Variants in LRFN5 observed in about 807,000 individuals in gnomAD.
LRFN5 encodes the protein leucine rich repeat and fibronectin type III domain containing 5.
Under a neutral mutation model 45.6 loss-of-function variants are expected in LRFN5, and 24 were observed. The observed-to-expected ratio is 0.53, with a 90% CI of 0.38 to 0.74. LRFN5 has a LOEUF of 0.74. Among genes scored for constraint, LRFN5 ranks in the 30% least tolerant of loss-of-function variants. The pLI, the probability that LRFN5 is intolerant of heterozygous loss-of-function variation, is 0.00. For missense variants in LRFN5, 776 were observed against 861.5 expected, an observed-to-expected ratio of 0.90 and a Z score of 1.24; for synonymous variants, 340 against 313.8, an observed-to-expected ratio of 1.08 and a Z score of -0.88.
intron 2 of LRFN5, among the ~76,000 whole-genome samples, chr14:41,795,797 G>A (rs1887105352): frequency 6.6e-6 from 1 of 151,806 alleles, no homozygotes; most frequent in Non-Finnish European, 1.5e-5. Flanking sequence ...GAGGGGGGAG[G>A]AATAGCATTA....
chr14:41,633,571 T>G (rs1888622573), intron 1 of LRFN5, among the ~76,000 whole-genome samples: 1 of 152,152 alleles, frequency 6.6e-6, no homozygotes, highest in Non-Finnish European at 1.5e-5. Context: ...AGACTTGATG[T>G]CAGTGCCTGT....
chr14:41,714,807 A>T (rs1883423553), intron 1 of LRFN5, among the ~76,000 whole-genome samples: 1 of 152,168 alleles, frequency 6.6e-6, no homozygotes, highest in African/African-American at 2.4e-5. Flanking sequence ...CAGGAGGCTG[A>T]GGCAGGAGTG....
intron 1 of LRFN5, among the ~76,000 whole-genome samples, chr14:41,612,001 A>T (rs1035163480): frequency 1.3e-5 from 2 of 152,072 alleles, no homozygotes; most frequent in African/African-American, 4.8e-5. Flanking sequence ...TTCATATGTT[A>T]TATCATGTTT....
At chr14:41,763,217 CTG>C (rs1270778036) in intron 1 of LRFN5, among the ~76,000 whole-genome samples, 1 of 152,076 alleles carries the variant, frequency 6.6e-6, no homozygotes, top group Admixed American at 6.6e-5. Flanking sequence ...CTTTTTGTAA[CTG>C]TTTTCATTTT....
chr14:41,707,228 A>C (rs1305320655), intron 1 of LRFN5, among the ~76,000 whole-genome samples: 1 of 152,226 alleles, frequency 6.6e-6, no homozygotes, highest in Non-Finnish European at 1.5e-5. Flanking sequence ...TTAGGAGGTC[A>C]GAGGCATTCT....
At chr14:41,615,661 C>A (rs966316331) in intron 1 of LRFN5, among the ~76,000 whole-genome samples, 2 of 152,064 alleles carry the variant, frequency 1.3e-5, no homozygotes, top group African/African-American at 4.8e-5. Flanking sequence ...GCAGAGAAAG[C>A]AAGAAAATGC....
intron 2 of LRFN5, among the ~76,000 whole-genome samples, chr14:41,834,556 C>T (rs1888596011): frequency 2.0e-5 from 3 of 152,188 alleles, no homozygotes; most frequent in East Asian, 3.9e-4. Flanking sequence ...CCTTAACATT[C>T]GATAAAGTAC....
chr14:41,618,032 C>T (rs963900084), intron 1 of LRFN5, among the ~76,000 whole-genome samples: 2 of 152,094 alleles, frequency 1.3e-5, no homozygotes, highest in African/African-American at 4.8e-5. Flanking sequence ...CCTGTTACCT[C>T]TTCCGTTTGG....
intron 1 of LRFN5, among the ~76,000 whole-genome samples, chr14:41,634,143 C>G (rs1209614017): frequency 1.3e-5 from 2 of 152,070 alleles, no homozygotes; most frequent in Non-Finnish European, 2.9e-5. Flanking sequence ...TAAACTCATA[C>G]TATGTAATAG....
intron 2 of LRFN5, among the ~76,000 whole-genome samples, chr14:41,870,861 T>A (rs1889995523): frequency 6.6e-6 from 1 of 152,190 alleles, no homozygotes; most frequent in Non-Finnish European, 1.5e-5. Flanking sequence ...ATTTTAGAAT[T>A]ATGCCAACAT....
intron 1 of LRFN5, among the ~76,000 whole-genome samples, chr14:41,724,684 CTAATATA>C (rs1883856711): frequency 6.6e-6 from 1 of 151,960 alleles, no homozygotes; most frequent in South Asian, 2.1e-4. Context: ...TGTGTTATGA[CTAATATA>C]TAATATAGAA....
chr14:41,846,300 T>C (rs1000445933), intron 2 of LRFN5, among the ~76,000 whole-genome samples: 1 of 152,072 alleles, frequency 6.6e-6, no homozygotes, highest in Non-Finnish European at 1.5e-5. Flanking sequence ...TTTGCATATA[T>C]TTACAAAATG....
intron 1 of LRFN5, among the ~76,000 whole-genome samples, chr14:41,677,336 A>G (rs1802425880): frequency 6.6e-6 from 1 of 152,134 alleles, no homozygotes; most frequent in African/African-American, 2.4e-5. Context: ...AGACAATTAT[A>G]AAGCATTCAA....
At chr14:41,775,718 C>T (rs1324775158) in intron 2 of LRFN5, among the ~76,000 whole-genome samples, 3 of 152,054 alleles carry the variant, frequency 2.0e-5, no homozygotes, top group Non-Finnish European at 4.4e-5. Context: ...TATAAAGTGA[C>T]AGAATTATAG....
At position 41,644,582 on chromosome 14, in the gene LRFN5, T is replaced by C. The variant is rs185816083; in HGVS notation, c.-197+36020T>C. ...TGGGTAAGGAGATAGTCGGAGTGTG[T>C]GTTTTGTGTGTGTGTGTGTTATGTA... On this transcript the variant is annotated intron_variant, in intron 1 of 5. Coordinates refer to ENST00000298119, the MANE Select transcript of LRFN5 (RefSeq NM_152447.5). Among the ~76,000 whole-genome samples, 31 of 152,192 alleles carry C rather than the reference T, an allele frequency of 2.0e-4. No individual in the cohort carries two copies. The East Asian group carries it at 5.6e-3, about 28-fold the overall frequency.
chr14:41,643,156 T>G (rs1879657271), intron 1 of LRFN5, among the ~76,000 whole-genome samples: 1 of 152,202 alleles, frequency 6.6e-6, no homozygotes, highest in Non-Finnish European at 1.5e-5. Flanking sequence ...AGCTAATTAA[T>G]GATTACCTAG....
rs202114359 is a variant in LRFN5 at position 41,694,176 on chromosome 14, A to AT, written c.-196-72670dup. Among the ~76,000 whole-genome samples the AT allele has an allele frequency of 3.0e-3, 448 of 151,758 alleles. 1 individual carries two copies. The highest frequency in any genetic ancestry group is 9.5e-3 in the African/African-American group (392 of 41,434). On this transcript the variant is annotated intron_variant, in intron 1 of 5. Coordinates refer to ENST00000298119, the MANE Select transcript of LRFN5 (RefSeq NM_152447.5). ...ACATATACATCATCTCATTTACTTG[A>AT]TTTTTTTTGTGGAGATACATTTGAA... is the stretch of plus-strand genomic sequence containing the variant.
chr14:41,635,737 A>G (rs1381576468), intron 1 of LRFN5, among the ~76,000 whole-genome samples: 1 of 152,142 alleles, frequency 6.6e-6, no homozygotes, highest in Non-Finnish European at 1.5e-5. Context: ...GGTCCAAATC[A>G]TGTTTGGGTA....
chr14:41,896,117 T>A (rs1228628322), intron 4 of LRFN5, among the ~76,000 whole-genome samples: 2 of 152,200 alleles, frequency 1.3e-5, no homozygotes, highest in East Asian at 3.8e-4. Context: ...CTTTTAGCTC[T>A]TAAATTTAAG....
Sources: allele counts gnomAD v4.1 joint callset (sites outside exome capture counted in the v4.1 genomes callset), GRCh38; gene constraint gnomAD v4.1.1; transcripts MANE v1.5; gene names NCBI Gene and HGNC (gene_info 2026-07-23, HGNC 2026-07-21).